Variants in MYO1E observed in about 807,000 individuals in gnomAD.
MYO1E encodes the protein unconventional myosin-Ie.
MYO1E carries 68 observed loss-of-function variants against 151.1 expected under a neutral mutation model. The ratio of observed to expected loss-of-function variants is 0.45; its 90% CI spans 0.37 to 0.55. The LOEUF (loss-of-function observed/expected upper bound fraction) is 0.55. MYO1E is among the 20% of genes least tolerant of loss of function. The probability of loss-of-function intolerance (pLI) is 0.00; values close to 1 mark genes in which losing one functional copy is unlikely to be tolerated. For synonymous variants in MYO1E, 601 were observed against 501.7 expected (o/e 1.20, Z -2.64); for missense variants, 1,363 against 1,389.3 (o/e 0.98, Z 0.30).
chr15:59,210,420 C>G, intron 13 of MYO1E, 94 bp downstream of exon 13: 1 of 900,476 alleles, frequency 1.1e-6, no homozygotes, highest in South Asian at 1.4e-5. Context: ...TCAGAGTTGT[C>G]ACTTTGCCTG....
chr15:59,186,734 C>G (rs1018979892), intron 18 of MYO1E, among the ~76,000 whole-genome samples: 1 of 152,180 alleles, frequency 6.6e-6, no homozygotes, highest in Non-Finnish European at 1.5e-5. Flanking sequence ...AGTAATAGAG[C>G]AAGACTTTGT....
At chr15:59,207,456 T>G (rs1318172428) in intron 14 of MYO1E, 3 of 1,614,032 alleles carry the variant, frequency 1.9e-6, no homozygotes, top group Non-Finnish European at 2.5e-6. Context: ...TGATTTCCAG[T>G]ATTGTCCAGT....
At chr15:59,223,315 G>C in intron 8 of MYO1E, 124 bp from the exon 9 acceptor site, 47 of 775,056 alleles carry the variant, frequency 6.1e-5, no homozygotes, top group Non-Finnish European at 6.6e-5. Context: ...GAGTTACAAA[G>C]AAAAAAAAAA....
At chr15:59,195,047 GCT>G (rs2079758097) in intron 17 of MYO1E, among the ~76,000 whole-genome samples, 2 of 152,142 alleles carry the variant, frequency 1.3e-5, no homozygotes, top group Admixed American at 1.3e-4. Context: ...ATTTCCATCA[GCT>G]CTTACGCCCT....
chr15:59,351,005 T>C (rs1436138955), intron 1 of MYO1E, among the ~76,000 whole-genome samples: 1 of 152,260 alleles, frequency 6.6e-6, no homozygotes, highest in Non-Finnish European at 1.5e-5. Context: ...CACGCCATTC[T>C]CCAGCCTCAG....
intron 1 of MYO1E, among the ~76,000 whole-genome samples, chr15:59,344,457 G>A (rs1462250869): frequency 6.6e-6 from 1 of 152,238 alleles, no homozygotes; most frequent in African/African-American, 2.4e-5. Flanking sequence ...GGGACTGCAG[G>A]TCTGACCTGA....
At chr15:59,251,087 C>A (rs1009348533) in intron 4 of MYO1E, among the ~76,000 whole-genome samples, 4 of 152,164 alleles carry the variant, frequency 2.6e-5, no homozygotes, top group African/African-American at 7.2e-5. Context: ...TCATCCTGGA[C>A]CCTCATTAAA....
chr15:59,188,332 C>G (rs2079711655), intron 17 of MYO1E, 116 bp from the exon 18 acceptor site: 1 of 797,356 alleles, frequency 1.3e-6, no homozygotes, highest in African/African-American at 1.7e-5. Context: ...ATTCAGAAGA[C>G]TACAATTTAT....
intron 5 of MYO1E, among the ~76,000 whole-genome samples, chr15:59,233,890 C>CAA (rs11445698): frequency 0.19 from 28,113 of 147,488 alleles, 3,391 homozygotes; most frequent in East Asian, 0.6. Flanking sequence ...GACTTAGTAC[C>CAA]AAAAAAAAAA....
At chr15:59,161,586 G>A (rs1425373590) in intron 23 of MYO1E, among the ~76,000 whole-genome samples, 1 of 152,202 alleles carries the variant, frequency 6.6e-6, no homozygotes, top group Non-Finnish European at 1.5e-5. Flanking sequence ...TGCTGTCATT[G>A]TGCTTCCAGC....
rs767172261 is a variant in MYO1E at position 59,223,178 on chromosome 15, A to G, written c.791T>C (p.Val264Ala). The G allele has an allele frequency of 1.2e-6, 2 of 1,614,232 alleles. No homozygotes were observed. The highest frequency in any genetic ancestry group is 1.7e-6 in the Non-Finnish European group (2 of 1,180,044). Residue 264 changes from valine (V) to alanine (A), a missense_variant, in exon 9 of 28, where the codon GTG becomes GCG. Transcript: ENST00000288235. ...EFQETLHAMN[V>A]IGIFAEEQTL... is the part of the protein sequence containing the mutation. The stretch of plus-strand genomic sequence containing the variant: ...TTGCTCTTCTGCAAAGATCCCAATC[A>G]CATTCATGGCGTGCTGGAAGAGAAA...
At position 59,174,175 on chromosome 15, in the gene MYO1E, T is replaced by C; in HGVS notation, c.2115A>G (p.Ser705=). 6.2e-7 allele frequency: 1 copy of C among 1,614,164 alleles called. No individual in the cohort carries two copies. The highest frequency in any genetic ancestry group is 8.5e-7 in the Non-Finnish European group (1 of 1,180,002). The part of the protein sequence containing the change: ...YDGYARVIQK[S]WRKFVARKKY... Reference sequence around the variant, plus strand: ...TCTTCCGGGCCACGAATTTCCTCCATGATTTCTGTATCACTCGAGCATACC... The same window carrying C: ...TCTTCCGGGCCACGAATTTCCTCCACGATTTCTGTATCACTCGAGCATACC... Residue 705 remains serine (S), a synonymous_variant, in exon 20 of 28, where the codon TCA becomes TCG. Coordinates refer to ENST00000288235, the MANE Select transcript of MYO1E (RefSeq NM_004998.4).
intron 10 of MYO1E, among the ~76,000 whole-genome samples, chr15:59,217,214 C>T (rs1453812783): frequency 2.0e-5 from 3 of 152,212 alleles, no homozygotes; most frequent in Admixed American, 1.3e-4. Context: ...TTTCAAGCCG[C>T]TAGGTTTTGG....
At chr15:59,244,188 T>C (rs1396153339) in intron 4 of MYO1E, among the ~76,000 whole-genome samples, 6 of 152,222 alleles carry the variant, frequency 3.9e-5, no homozygotes, top group African/African-American at 1.4e-4. Flanking sequence ...AGTTAATTGG[T>C]GTTGTCAAGC....
At chr15:59,196,965 T>C (rs953806614) in intron 16 of MYO1E, among the ~76,000 whole-genome samples, 1 of 151,258 alleles carries the variant, frequency 6.6e-6, no homozygotes, top group African/African-American at 2.4e-5. Context: ...TTTTAGATTT[T>C]AGTTTTGTAT....
chr15:59,250,568 C>T (rs1014832584), intron 4 of MYO1E, among the ~76,000 whole-genome samples: 2 of 152,008 alleles, frequency 1.3e-5, no homozygotes, highest in East Asian at 3.9e-4. Context: ...AACTGTAATC[C>T]TAAGTGTAGG....
intron 25 of MYO1E, among the ~76,000 whole-genome samples, chr15:59,157,876 G>A (rs370573373): frequency 2.0e-5 from 3 of 152,200 alleles, no homozygotes; most frequent in Non-Finnish European, 2.9e-5. Context: ...CGAGGATAAG[G>A]GGGTGCTGCT....
chr15:59,176,739 G>A (rs1275952817), intron 19 of MYO1E, among the ~76,000 whole-genome samples: 3 of 152,204 alleles, frequency 2.0e-5, no homozygotes, highest in Non-Finnish European at 4.4e-5. Context: ...TTAGAGGCAT[G>A]AGCCACTGTG....
At chr15:59,238,164 C>G (rs1316188214) in intron 4 of MYO1E, among the ~76,000 whole-genome samples, 1 of 152,168 alleles carries the variant, frequency 6.6e-6, no homozygotes, top group African/African-American at 2.4e-5. Flanking sequence ...CAGGCAGCAA[C>G]TAGGTCGGGC....
Sources: allele counts gnomAD v4.1 joint callset (sites outside exome capture counted in the v4.1 genomes callset), GRCh38; gene constraint gnomAD v4.1.1; transcripts MANE v1.5; gene names NCBI Gene and HGNC (gene_info 2026-07-23, HGNC 2026-07-21).